FRMD4B: variants seen among roughly 807,000 people sequenced by gnomAD.
The protein encoded by FRMD4B is FERM domain containing 4B.
Under a neutral mutation model 141.5 loss-of-function variants are expected in FRMD4B, and 74 were observed. That is an observed-to-expected ratio of 0.52 (90% CI 0.43 to 0.63). The LOEUF is 0.63. Ranked by LOEUF, FRMD4B falls within the 30% of genes least tolerant of loss-of-function variation. The pLI, the probability that FRMD4B is intolerant of heterozygous loss-of-function variation, is 0.00. For missense variants in FRMD4B, 1,366 were observed against 1,253.4 expected (o/e 1.09, Z -1.36); for synonymous variants, 506 against 467.9 (o/e 1.08, Z -1.05).
At position 69,181,141 on chromosome 3, in the gene FRMD4B, T is replaced by C. The variant is rs770786696; in HGVS notation, c.2609A>G (p.Tyr870Cys). 6.2e-7 allele frequency: 1 copy of C among 1,613,954 alleles called. No homozygotes were observed. Among genetic ancestry groups the C allele is most frequent in the East Asian group, 2.2e-5 (1 of 44,868 alleles). The change falls in exon 21 of 23, where the codon TAT (tyrosine) becomes TGT (cysteine). Residue 870 changes from tyrosine (Y) to cysteine (C), a missense_variant. Transcript: ENST00000398540. ...CTTCCTTGGCAGCCGGAGAGTTGCA[T>C]ATGGGTTATGGGGTACCCGGTCGAC... The part of the protein sequence containing the change: ...DEVDRVPHNP[Y>C]ATLRLPRKAA...
At chr3:69,216,458 A>C in intron 10 of FRMD4B, 109 bp from the exon 11 acceptor site, 4 of 565,614 alleles carry the variant, frequency 7.1e-6, no homozygotes, top group Non-Finnish European at 9.1e-6. Context: ...TTTGAGACGG[A>C]GTCTCATTCT....
At chr3:69,411,785 A>T (rs1434065759) in intron 2 of FRMD4B, among the ~76,000 whole-genome samples, 1 of 152,246 alleles carries the variant, frequency 6.6e-6, no homozygotes, top group Non-Finnish European at 1.5e-5. Flanking sequence ...CCTCCAATCT[A>T]GTTTCACCAC....
intron 1 of FRMD4B, among the ~76,000 whole-genome samples, chr3:69,483,340 T>C (rs944747382): frequency 1.1e-4 from 17 of 152,364 alleles, no homozygotes; most frequent in African/African-American, 3.8e-4. Context: ...AAGAGCTGCT[T>C]CTTTCCTTCA....
At chr3:69,518,788 T>C (rs375822186) in intron 1 of FRMD4B, among the ~76,000 whole-genome samples, 1 of 152,208 alleles carries the variant, frequency 6.6e-6, no homozygotes, top group East Asian at 1.9e-4. Flanking sequence ...GAAGGTAGGC[T>C]GAAGAGACTA....
At chr3:69,538,396 C>T (rs7356026) in intron 1 of FRMD4B, among the ~76,000 whole-genome samples, 29,155 of 152,072 alleles carry the variant, frequency 0.19, 3,035 homozygotes, top group African/African-American at 0.27. Flanking sequence ...CACTAACAGA[C>T]ACATGCATCC....
chr3:69,224,302 C>T (rs988649361), intron 8 of FRMD4B, among the ~76,000 whole-genome samples: 1 of 152,140 alleles, frequency 6.6e-6, no homozygotes, highest in Non-Finnish European at 1.5e-5. Flanking sequence ...ACAGTGACTG[C>T]ACATATATTG....
intron 1 of FRMD4B, among the ~76,000 whole-genome samples, chr3:69,363,546 C>T (rs939926044): frequency 2.6e-5 from 4 of 152,028 alleles, no homozygotes; most frequent in East Asian, 1.9e-4. Flanking sequence ...CCTGCCACCA[C>T]GCCTGGCTAA....
intron 1 of FRMD4B, among the ~76,000 whole-genome samples, chr3:69,322,263 A>C (rs1419801279): frequency 6.6e-6 from 1 of 152,136 alleles, no homozygotes; most frequent in Non-Finnish European, 1.5e-5. Flanking sequence ...TGTCAACCCT[A>C]GCTGAACAGG....
At chr3:69,253,850 G>T (rs2093477623) in intron 5 of FRMD4B, among the ~76,000 whole-genome samples, 1 of 152,178 alleles carries the variant, frequency 6.6e-6, no homozygotes, top group Non-Finnish European at 1.5e-5. Context: ...CACTTTGGGA[G>T]GCTGAGGTGG....
chr3:69,509,572 C>T (rs1706656852), intron 1 of FRMD4B, among the ~76,000 whole-genome samples: 1 of 152,106 alleles, frequency 6.6e-6, no homozygotes, highest in African/African-American at 2.4e-5. Flanking sequence ...AAACGTGGGT[C>T]TAAATTTGAT....
At position 69,181,740 on chromosome 3, in the gene FRMD4B, C is replaced by T. The variant is rs1248879980; in HGVS notation, c.2040-30G>A. ...AAGAGGAGAAAGGCAAACTTCTCAA[C>T]ACCAAGAAGAAAAGGAGGACCCAAA... On this transcript the variant is annotated intron_variant, in intron 20 of 22. Transcript: ENST00000398540. 11 of 1,397,788 alleles carry T rather than the reference C, an allele frequency of 7.9e-6. No individual in the cohort carries two copies. The East Asian group carries it at 1.6e-4, about 21-fold the overall frequency. 86.6% of individuals were successfully genotyped at this position (1,397,788 alleles called of 1,614,324 possible).
chr3:69,456,024 GTT>G, intron 1 of FRMD4B, among the ~76,000 whole-genome samples: 1 of 152,218 alleles, frequency 6.6e-6, no homozygotes, highest in African/African-American at 2.4e-5. Flanking sequence ...CAAGGACTTA[GTT>G]TAGTTTCTGG....
chr3:69,330,340 C>CTTTTTTTTTTTTTTTTTTTTTT (rs34238889), intron 1 of FRMD4B, among the ~76,000 whole-genome samples: 1 of 42,926 alleles, frequency 2.3e-5, no homozygotes, highest in Non-Finnish European at 3.8e-5. Flanking sequence ...ATTCTTTTGC[C>CTTTTTTTTTTTTTTTTTTTTTT]TTTTTTTTTT....
chr3:69,394,790 G>A (rs1303181468), intron 2 of FRMD4B, among the ~76,000 whole-genome samples: 2 of 152,160 alleles, frequency 1.3e-5, no homozygotes, highest in Non-Finnish European at 2.9e-5. Context: ...TGATAGACTG[G>A]ATAAAGAAAT....
intron 1 of FRMD4B, among the ~76,000 whole-genome samples, chr3:69,518,629 C>G (rs1031839908): frequency 6.6e-6 from 1 of 152,144 alleles, no homozygotes; most frequent in African/African-American, 2.4e-5. Context: ...CCCTTCCAAC[C>G]CCTGGGCCAC....
intron 1 of FRMD4B, among the ~76,000 whole-genome samples, chr3:69,483,130 T>A (rs369761021): frequency 5.9e-5 from 9 of 152,312 alleles, no homozygotes; most frequent in African/African-American, 2.2e-4. Flanking sequence ...AAGAAAAATA[T>A]CAACAGTGGT....
chr3:69,484,983 C>T (rs73835872), intron 1 of FRMD4B, among the ~76,000 whole-genome samples: 4,457 of 152,082 alleles, frequency 0.029, 209 homozygotes, highest in African/African-American at 0.1. Flanking sequence ...TTCTCTGGGC[C>T]CCCCCACCTT....
chr3:69,334,166 T>A (rs757430220), intron 1 of FRMD4B: 1 of 152,226 alleles, frequency 6.6e-6, no homozygotes, highest in Non-Finnish European at 1.5e-5. Context: ...TGGCTTCACA[T>A]CCTCTTTAAT....
chr3:69,401,349 C>G (rs1704560713), intron 2 of FRMD4B, among the ~76,000 whole-genome samples: 1 of 152,094 alleles, frequency 6.6e-6, no homozygotes, highest in African/African-American at 2.4e-5. Context: ...TGTCCCAAAG[C>G]AATTTTAGCA....
Sources: allele counts gnomAD v4.1 joint callset (sites outside exome capture counted in the v4.1 genomes callset), GRCh38; gene constraint gnomAD v4.1.1; transcripts MANE v1.5; gene names NCBI Gene and HGNC (gene_info 2026-07-23, HGNC 2026-07-21).